Variants in PDE8B observed in about 807,000 individuals in gnomAD.
The protein encoded by PDE8B is phosphodiesterase 8B.
Under a neutral mutation model 101.3 loss-of-function variants are expected in PDE8B, and 26 were observed. The ratio of observed to expected loss-of-function variants is 0.26; its 90% CI spans 0.19 to 0.36. The LOEUF (loss-of-function observed/expected upper bound fraction) is 0.36. Among genes scored for constraint, PDE8B ranks in the 10% least tolerant of loss-of-function variants. The pLI, the probability that PDE8B is intolerant of heterozygous loss-of-function variation, is 1.00. For synonymous variants in PDE8B, 424 were observed against 429.3 expected (o/e 0.99, Z 0.15); for missense variants, 810 against 1,163.1 (o/e 0.70, Z 4.42).
At chr5:77,413,082 G>A (rs944587185) in intron 16 of PDE8B, 29 bp from the exon 17 acceptor site, 10 of 1,590,336 alleles carry the variant, frequency 6.3e-6, no homozygotes, top group African/African-American at 1.3e-5. Context: ...TGAATACAAT[G>A]AGCCAGGGTG....
the PDE8B span, among the ~76,000 whole-genome samples, chr5:77,107,800 T>C: frequency 6.6e-6 from 1 of 152,254 alleles, no homozygotes; most frequent in Non-Finnish European, 1.5e-5. Context: ...AAATTACTTC[T>C]GAGTTTGATT....
chr5:77,176,238 T>C, the PDE8B span, among the ~76,000 whole-genome samples: 5 of 152,092 alleles, frequency 3.3e-5, no homozygotes, highest in African/African-American at 9.7e-5. Context: ...CGCAGCACCG[T>C]AGGCAAAGCT....
intron 1 of PDE8B, among the ~76,000 whole-genome samples, chr5:77,227,390 T>C (rs1309293564): frequency 6.6e-6 from 1 of 152,182 alleles, no homozygotes; most frequent in Non-Finnish European, 1.5e-5. Context: ...ATGGGTGAGA[T>C]CATACCTCTA....
intron 1 of PDE8B, among the ~76,000 whole-genome samples, chr5:77,216,384 C>A (rs116717774): frequency 1.1e-4 from 16 of 152,046 alleles, no homozygotes; most frequent in Admixed American, 9.2e-4. Flanking sequence ...TGGCCAAAGG[C>A]GAAAGGCATG....
chr5:77,399,793 T>A (rs1791868777), intron 10 of PDE8B, among the ~76,000 whole-genome samples: 1 of 152,256 alleles, frequency 6.6e-6, no homozygotes, highest in African/African-American at 2.4e-5. Context: ...AATTGAGCAT[T>A]TGAAGAGCTT....
chr5:77,312,112 T>TC (rs535882063), intron 2 of PDE8B, 59 bp downstream of exon 2: 1 of 1,331,572 alleles, frequency 7.5e-7, no homozygotes, highest in South Asian at 1.2e-5. Flanking sequence ...TTTCTTTTTT[T>TC]TTTTTTTTTG....
the PDE8B span, among the ~76,000 whole-genome samples, chr5:77,192,995 G>A: frequency 1.3e-5 from 2 of 151,950 alleles, no homozygotes; most frequent in Non-Finnish European, 2.9e-5. Flanking sequence ...TGAAGTATCT[G>A]CTCTAAATAT....
intron 1 of PDE8B, among the ~76,000 whole-genome samples, chr5:77,280,307 A>G (rs1211200775): frequency 6.6e-6 from 1 of 152,172 alleles, no homozygotes. Context: ...AAGGATTGTC[A>G]GACCACACCT....
chr5:77,145,892 AG>A, the PDE8B span: 1 of 152,228 alleles, frequency 6.6e-6, no homozygotes, highest in African/African-American at 2.4e-5. Context: ...GATGACTCAG[AG>A]GGTGGAACCA....
intron 10 of PDE8B, among the ~76,000 whole-genome samples, chr5:77,390,565 AGACT>A (rs2150912377): frequency 6.6e-6 from 1 of 152,302 alleles, no homozygotes; most frequent in East Asian, 1.9e-4. Flanking sequence ...CACTACAGAG[AGACT>A]GACTGGCATG....
chr5:77,134,140 G>A, the PDE8B span, among the ~76,000 whole-genome samples: 1 of 152,188 alleles, frequency 6.6e-6, no homozygotes, highest in African/African-American at 2.4e-5. Flanking sequence ...ATCAGATACT[G>A]TATCACCTAG....
intron 1 of PDE8B, among the ~76,000 whole-genome samples, chr5:77,250,810 T>C (rs530612151): frequency 2.5e-4 from 38 of 152,282 alleles, no homozygotes; most frequent in African/African-American, 8.2e-4. Flanking sequence ...GCCGCCAAGG[T>C]CCCTCTTCTC....
At chr5:77,180,546 C>T in the PDE8B span, 6 of 941,350 alleles carry the variant, frequency 6.4e-6, no homozygotes, top group Non-Finnish European at 7.6e-6. Context: ...CCTGGGTACC[C>T]GGCCGCTGGC....
chr5:77,147,533 C>T, the PDE8B span: 3 of 150,476 alleles, frequency 2.0e-5, no homozygotes, highest in Non-Finnish European at 2.9e-5. Flanking sequence ...AACTGAATAC[C>T]ACTCTGTAAT....
At chr5:77,309,555 AAG>A (rs1334913606) in intron 1 of PDE8B, among the ~76,000 whole-genome samples, 7 of 100,390 alleles carry the variant, frequency 7.0e-5, no homozygotes, top group South Asian at 3.1e-4. Context: ...CAGTGAACTC[AAG>A]AGAGATCACA....
chr5:77,253,992 C>T (rs1350779723), intron 1 of PDE8B, among the ~76,000 whole-genome samples: 2 of 151,882 alleles, frequency 1.3e-5, no homozygotes, highest in Non-Finnish European at 2.9e-5. Context: ...CTTTCACATT[C>T]TTTTCATTAA....
chr5:77,426,990 C>T lies in PDE8B; in HGVS notation c.*436C>T, dbSNP rs144907726. On this transcript the variant is annotated 3_prime_UTR_variant, in exon 22 of 22. Coordinates refer to ENST00000264917, the MANE Select transcript of PDE8B (RefSeq NM_003719.5). Reference sequence around the variant, plus strand: ...TTAGCTTGACTGTTTTCCTCAAGAACATCGATCTGAAGGATTCATAAGGAG... The same window carrying T: ...TTAGCTTGACTGTTTTCCTCAAGAATATCGATCTGAAGGATTCATAAGGAG... The T allele has an allele frequency of 1.1e-4, 20 of 188,822 alleles. No homozygotes were observed. In the East Asian group the frequency reaches 1.8e-3, roughly 17 times the overall value. 11.7% of individuals were successfully genotyped at this position (188,822 alleles called of 1,614,324 possible). A position where few individuals can be genotyped will look rare whatever the true frequency, so the allele number is the denominator to read the frequency against.
At chr5:77,267,378 C>T (rs1021917010) in intron 1 of PDE8B, among the ~76,000 whole-genome samples, 14 of 150,238 alleles carry the variant, frequency 9.3e-5, no homozygotes, top group Non-Finnish European at 1.8e-4. Context: ...AGGCGGAGGT[C>T]GCAGTAAGCC....
At chr5:77,343,854 CT>C (rs1226513579) in intron 6 of PDE8B, among the ~76,000 whole-genome samples, 1 of 146,882 alleles carries the variant, frequency 6.8e-6, no homozygotes, top group East Asian at 2.0e-4. Flanking sequence ...ATTCTGTTAG[CT>C]TTTTTCTATT....
Sources: allele counts gnomAD v4.1 joint callset (sites outside exome capture counted in the v4.1 genomes callset), GRCh38; gene constraint gnomAD v4.1.1; transcripts MANE v1.5; gene names NCBI Gene and HGNC (gene_info 2026-07-23, HGNC 2026-07-21).